Variants in COL11A1 observed in about 807,000 individuals in gnomAD.
The protein encoded by COL11A1 is collagen alpha-1(XI) chain.
In COL11A1, 74 loss-of-function variants were observed where a neutral mutation model predicts 265.2. The ratio of observed to expected loss-of-function variants is 0.28; its 90% CI spans 0.23 to 0.34. The LOEUF (loss-of-function observed/expected upper bound fraction) is 0.34, where lower values mean the gene tolerates loss of function less well. Among genes scored for constraint, COL11A1 ranks in the 10% least tolerant of loss-of-function variants. COL11A1 has a pLI of 1.00. For missense variants in COL11A1, 2,165 were observed against 2,263.6 expected (o/e 0.96, Z 0.88); for synonymous variants, 816 against 727.6 (o/e 1.12, Z -1.96).
chr1:102,928,046 T>C (rs761396061), intron 46 of COL11A1, among the ~76,000 whole-genome samples: 4 of 152,152 alleles, frequency 2.6e-5, no homozygotes, highest in Non-Finnish European at 5.9e-5. Flanking sequence ...GCTATCAATC[T>C]GAAGTACTAA....
At position 103,014,599 on chromosome 1, in the gene COL11A1, G is replaced by A. The variant is rs370997745; in HGVS notation, c.1489-5C>T. ...ACCATCACCACCATAACGGAACTTGGAAGAGATAACATTAAGAAATTCAAA... is the reference window on the plus strand; with the variant it reads ...ACCATCACCACCATAACGGAACTTGAAAGAGATAACATTAAGAAATTCAAA... On this transcript the variant is annotated splice_polypyrimidine_tract_variant and splice_region_variant and intron_variant, in intron 12 of 66. Coordinates refer to ENST00000370096, the MANE Select transcript of COL11A1 (RefSeq NM_001854.4). 6.2e-7 allele frequency: 1 copy of A among 1,612,490 alleles called. No homozygotes were observed. The highest frequency in any genetic ancestry group is 8.5e-7 in the Non-Finnish European group (1 of 1,178,718).
At position 103,078,645 on chromosome 1, in the gene COL11A1, T is replaced by C. The variant is rs746076811; in HGVS notation, c.488+13A>G. ...TTGGCATAGCTAAAACATTGTATTA[T>C]TTTGTTACTTACTTCCCGTCAGCGA... On this transcript the variant is annotated intron_variant, in intron 3 of 66. Coordinates refer to ENST00000370096, the MANE Select transcript of COL11A1 (RefSeq NM_001854.4). 6.2e-7 allele frequency: 1 copy of C among 1,609,716 alleles called. No homozygotes were observed. The highest frequency in any genetic ancestry group is 2.2e-5 in the East Asian group (1 of 44,810).
chr1:102,886,878 G>A lies in COL11A1; in HGVS notation c.4787C>T (p.Pro1596Leu), dbSNP rs746338126. 1 of 1,613,792 alleles carries A rather than the reference G, an allele frequency of 6.2e-7. No homozygotes were observed. Among genetic ancestry groups the A allele is most frequent in the Non-Finnish European group, 8.5e-7 (1 of 1,179,808 alleles). ...GGCTGGATTGGTCTGAGTACCCATT[G>A]GAAATTTCATATGCTCAATGTCTTG... is the stretch of plus-strand genomic sequence containing the variant. Reference protein sequence around the residue: ...LKQDIEHMKFPMGTQTNPART... With the variant: ...LKQDIEHMKFLMGTQTNPART... Residue 1596 changes from proline to leucine, a missense_variant, in exon 63 of 67, where the codon CCA (proline) becomes CTA (leucine). By Grantham distance (98) the Pro-to-Leu change is moderately conservative. Transcript: ENST00000370096.
At chr1:102,884,499 T>C (rs1650696898) in intron 63 of COL11A1, 2 of 152,336 alleles carry the variant, frequency 1.3e-5, no homozygotes, top group African/African-American at 4.8e-5. Flanking sequence ...GCAGCTTCTT[T>C]ATACGATCTC....
chr1:103,086,226 T>C (rs1450858139), intron 1 of COL11A1, among the ~76,000 whole-genome samples: 1 of 152,146 alleles, frequency 6.6e-6, no homozygotes, highest in African/African-American at 2.4e-5. Context: ...TTATCTTATA[T>C]TTTTGCTCTG....
At chr1:102,900,974 T>C (rs1045487059) in intron 54 of COL11A1, among the ~76,000 whole-genome samples, 3 of 152,000 alleles carry the variant, frequency 2.0e-5, no homozygotes, top group South Asian at 2.1e-4. Context: ...TGGGACCTAA[T>C]AGAAGGTGTT....
chr1:103,000,409 T>C (rs1490329629), intron 24 of COL11A1, among the ~76,000 whole-genome samples: 2 of 151,884 alleles, frequency 1.3e-5, no homozygotes, highest in Non-Finnish European at 2.9e-5. Flanking sequence ...TACAACTCAA[T>C]ATTAAGATAA....
chr1:103,026,426 T>A, intron 5 of COL11A1, 94 bp from the exon 6 acceptor site: 1 of 822,724 alleles, frequency 1.2e-6, no homozygotes, highest in Non-Finnish European at 2.1e-6. Context: ...ATAGTGTAAA[T>A]GTTAAGAGAT....
chr1:102,940,417 T>C lies in COL11A1; in HGVS notation c.3294A>G (p.Gln1098=), dbSNP rs1553210866. The change falls in exon 43 of 67, where the codon CAA becomes CAG. Residue 1098 remains glutamine (Q), a synonymous_variant. Transcript: ENST00000370096. ...GAACTCCATCTCTCCCTGCAGGCCC[T>C]TGGGGACCTTTTTCTCCCTGTATTG... ...EKGAPGEKGP[Q]GPAGRDGVQG... The C allele has an allele frequency of 1.9e-6, 3 of 1,613,846 alleles. No individual in the cohort carries two copies. The highest frequency in any genetic ancestry group is 2.5e-6 in the Non-Finnish European group (3 of 1,179,868).
At chr1:103,063,622 G>C (rs1201143997) in intron 4 of COL11A1, among the ~76,000 whole-genome samples, 4 of 152,014 alleles carry the variant, frequency 2.6e-5, no homozygotes, top group Non-Finnish European at 4.4e-5. Flanking sequence ...GACAATATAG[G>C]AGAAAACCTA....
In COL11A1 at chr1:102,914,828, A is replaced by AC; in HGVS notation, c.3817-18_3817-17insG. 1 of 1,563,634 alleles carries AC rather than the reference A, an allele frequency of 6.4e-7. No individual in the cohort carries two copies. On this transcript the variant is annotated splice_polypyrimidine_tract_variant and intron_variant, in intron 50 of 66. Transcript: ENST00000370096. ...TTTGGGACCCTAAACAATGTTAAAA[A>AC]AAAAAAAAGAAGAAGAAGGAAAGAA...
intron 41 of COL11A1, among the ~76,000 whole-genome samples, chr1:102,956,592 C>A (rs961603792): frequency 6.6e-6 from 1 of 151,826 alleles, no homozygotes; most frequent in African/African-American, 2.4e-5. Flanking sequence ...TAGTAGTAAA[C>A]TAAAAATGCA....
At chr1:102,976,160 C>G (rs1662443436) in intron 35 of COL11A1, among the ~76,000 whole-genome samples, 1 of 151,800 alleles carries the variant, frequency 6.6e-6, no homozygotes, top group Non-Finnish European at 1.5e-5. Context: ...TTTTTGCTTC[C>G]TAAAATTTTG....
chr1:103,006,139 A>C lies in COL11A1; in HGVS notation c.1738-18T>G. On this transcript the variant is annotated intron_variant, in intron 16 of 66. Transcript: ENST00000370096. Reference sequence around the variant, plus strand: ...GGACGACCCTAATAATGCCAACAGCATGATTAAGCGAAGTGACTTTTATTA... The same window carrying C: ...GGACGACCCTAATAATGCCAACAGCCTGATTAAGCGAAGTGACTTTTATTA... 2.5e-6 allele frequency: 4 copies of C among 1,606,696 alleles called. No homozygotes were observed.
At chr1:102,898,265 G>A (rs1652701601) in intron 56 of COL11A1, 87 bp from the exon 57 acceptor site, 4 of 580,538 alleles carry the variant, frequency 6.9e-6, no homozygotes, top group Admixed American at 9.2e-5. Context: ...AATACAATAA[G>A]AAAACAAAGG....
chr1:102,992,735 G>A (rs564109886), intron 28 of COL11A1, among the ~76,000 whole-genome samples: 2 of 151,952 alleles, frequency 1.3e-5, no homozygotes, highest in East Asian at 3.9e-4. Context: ...TAGAATAAAA[G>A]CTATAGCTGA....
At chr1:102,937,691 C>T (rs1352503448) in intron 44 of COL11A1, among the ~76,000 whole-genome samples, 1 of 152,142 alleles carries the variant, frequency 6.6e-6, no homozygotes, top group African/African-American at 2.4e-5. Flanking sequence ...CTTTGAACTT[C>T]TCTGCCATGT....
chr1:103,030,501 T>C (rs1557970749), intron 5 of COL11A1, among the ~76,000 whole-genome samples: 1 of 151,972 alleles, frequency 6.6e-6, no homozygotes, highest in Non-Finnish European at 1.5e-5. Flanking sequence ...ACAGTTTTGA[T>C]ATTTTCAAAT....
At chr1:103,003,435 ACT>A (rs1169165487) in intron 20 of COL11A1, among the ~76,000 whole-genome samples, 167 bp from the exon 21 acceptor site, 2 of 152,200 alleles carry the variant, frequency 1.3e-5, no homozygotes, top group African/African-American at 2.4e-5. Flanking sequence ...TAGTGTTTAT[ACT>A]GATCCAAAAG....
Sources: allele counts gnomAD v4.1 joint callset (sites outside exome capture counted in the v4.1 genomes callset), GRCh38; gene constraint gnomAD v4.1.1; transcripts MANE v1.5; gene names NCBI Gene and HGNC (gene_info 2026-07-23, HGNC 2026-07-21).